The following CCDC178 variants were observed in gnomAD, a reference collection of about 807,000 sequenced individuals.
The protein encoded by CCDC178 is coiled-coil domain containing 178, also known as coiled-coil domain-containing protein 178.
A neutral mutation model predicts 117.4 loss-of-function variants in CCDC178; 126 were observed. The ratio of observed to expected loss-of-function variants is 1.07; its 90% CI spans 0.93 to 1.24. CCDC178 has a LOEUF of 1.24. Ranked by LOEUF, CCDC178 falls within the 50% of genes most tolerant of loss-of-function variation. The pLI is 0.00. For synonymous variants in CCDC178, 283 were observed against 313.4 expected (o/e 0.90, Z 1.02); for missense variants, 1,030 against 986.9 (o/e 1.04, Z -0.59).
intron 21 of CCDC178, among the ~76,000 whole-genome samples, chr18:32,994,756 G>T (rs1341022462): frequency 6.6e-6 from 1 of 152,154 alleles, no homozygotes; most frequent in Non-Finnish European, 1.5e-5. Context: ...GCCATCTGGA[G>T]CATTGTGTTT....
At chr18:33,335,295 A>G (rs1162862021) in intron 9 of CCDC178, among the ~76,000 whole-genome samples, 1 of 152,022 alleles carries the variant, frequency 6.6e-6, no homozygotes, top group Admixed American at 6.6e-5. Flanking sequence ...CATACATGTA[A>G]TGATACTTTT....
chr18:33,401,191 A>G (rs1420858685), intron 3 of CCDC178, among the ~76,000 whole-genome samples: 1 of 152,236 alleles, frequency 6.6e-6, no homozygotes, highest in African/African-American at 2.4e-5. Context: ...AAAAATAATG[A>G]AAAAGTTTTT....
intron 3 of CCDC178, among the ~76,000 whole-genome samples, chr18:33,399,370 A>G (rs2063680922): frequency 6.6e-6 from 1 of 152,238 alleles, no homozygotes; most frequent in African/African-American, 2.4e-5. Flanking sequence ...AGTTTTCCTC[A>G]TGGATTAACC....
At chr18:33,254,047 C>T (rs535714610) in intron 14 of CCDC178, among the ~76,000 whole-genome samples, 9 of 151,534 alleles carry the variant, frequency 5.9e-5, no homozygotes, top group South Asian at 4.2e-4. Flanking sequence ...AGTGAGATGA[C>T]GCACAATGAG....
intron 20 of CCDC178, among the ~76,000 whole-genome samples, chr18:33,138,965 A>G (rs1227539474): frequency 6.6e-6 from 1 of 152,160 alleles, no homozygotes; most frequent in Non-Finnish European, 1.5e-5. Context: ...TCCCCACCCA[A>G]ATCATATCGT....
intron 10 of CCDC178, among the ~76,000 whole-genome samples, chr18:33,329,874 A>AGTGTGTGTGTGTGT (rs764565977): frequency 2.7e-5 from 2 of 75,438 alleles, no homozygotes; most frequent in Middle Eastern, 8.8e-3. Context: ...GAGAATTATT[A>AGTGTGTGTGTGTGT]GAGTGTGTGT....
intron 9 of CCDC178, among the ~76,000 whole-genome samples, chr18:33,344,660 C>A (rs1221194146): frequency 2.0e-5 from 3 of 152,002 alleles, no homozygotes; most frequent in African/African-American, 7.3e-5. Context: ...TCTACTACTA[C>A]TAACAGGGAA....
At chr18:33,417,199 C>T (rs2063954606) in intron 2 of CCDC178, among the ~76,000 whole-genome samples, 1 of 152,104 alleles carries the variant, frequency 6.6e-6, no homozygotes, top group Non-Finnish European at 1.5e-5. Flanking sequence ...CTAGATGTCT[C>T]TCAGTGGGTG....
At chr18:33,381,218 T>A (rs906892240) in intron 5 of CCDC178, among the ~76,000 whole-genome samples, 2 of 152,110 alleles carry the variant, frequency 1.3e-5, no homozygotes, top group African/African-American at 4.8e-5. Context: ...TGAACAATAG[T>A]AATAAGAAAA....
At chr18:33,058,240 C>A (rs559429621) in intron 21 of CCDC178, among the ~76,000 whole-genome samples, 2 of 152,230 alleles carry the variant, frequency 1.3e-5, no homozygotes, top group African/African-American at 2.4e-5. Flanking sequence ...AAAATGGAAA[C>A]AACATAAATG....
At chr18:33,170,782 G>T (rs1598957862) in intron 20 of CCDC178, among the ~76,000 whole-genome samples, 1 of 152,104 alleles carries the variant, frequency 6.6e-6, no homozygotes. Context: ...TAAAAGCAGA[G>T]GATTTTTTTA....
chr18:33,224,178 T>A (rs907493411), intron 17 of CCDC178, among the ~76,000 whole-genome samples: 5 of 152,166 alleles, frequency 3.3e-5, no homozygotes, highest in African/African-American at 4.8e-5. Context: ...AATAAATATA[T>A]GTATGGCCTC....
intron 10 of CCDC178, among the ~76,000 whole-genome samples, chr18:33,328,901 C>T (rs2145034645): frequency 6.6e-6 from 1 of 152,218 alleles, no homozygotes; most frequent in South Asian, 2.1e-4. Context: ...GCTATTGACA[C>T]TTTAACAATA....
intron 2 of CCDC178, among the ~76,000 whole-genome samples, chr18:33,422,424 C>CT (rs1013782289): frequency 6.6e-6 from 1 of 151,966 alleles, no homozygotes; most frequent in African/African-American, 2.4e-5. Flanking sequence ...CTTTACTTCT[C>CT]TTTTTTCCAT....
intron 12 of CCDC178, among the ~76,000 whole-genome samples, chr18:33,276,629 G>A (rs1001974188): frequency 6.6e-6 from 1 of 152,040 alleles, no homozygotes; most frequent in African/African-American, 2.4e-5. Flanking sequence ...TGGTTAAGTG[G>A]CATGTGTAAG....
At chr18:33,002,025 T>C (rs2144772795) in intron 21 of CCDC178, among the ~76,000 whole-genome samples, 2 of 152,256 alleles carry the variant, frequency 1.3e-5, no homozygotes, top group Middle Eastern at 3.4e-3. Context: ...TCCAGATATG[T>C]AAAGCAAATA....
chr18:33,314,073 C>A (rs1251835122), intron 11 of CCDC178, among the ~76,000 whole-genome samples: 3 of 148,600 alleles, frequency 2.0e-5, no homozygotes, highest in Admixed American at 1.3e-4. Flanking sequence ...TAGTGGCGGG[C>A]GCCTGTAATC....
intron 11 of CCDC178, among the ~76,000 whole-genome samples, chr18:33,303,145 C>G (rs112783733): frequency 2.0e-5 from 3 of 152,130 alleles, no homozygotes; most frequent in African/African-American, 7.2e-5. Context: ...TTCTATATGT[C>G]AATCTTTAAA....
chr18:32,944,621 C>G (rs1343663164), intron 22 of CCDC178, among the ~76,000 whole-genome samples: 3 of 152,188 alleles, frequency 2.0e-5, no homozygotes, highest in African/African-American at 7.2e-5. Context: ...ATCTTCATAA[C>G]CAACTTTATA....
Sources: allele counts gnomAD v4.1 joint callset (sites outside exome capture counted in the v4.1 genomes callset), GRCh38; gene constraint gnomAD v4.1.1; transcripts MANE v1.5; gene names NCBI Gene and HGNC (gene_info 2026-07-23, HGNC 2026-07-21).